The following BLTP2 variants were observed in gnomAD, a reference collection of about 807,000 sequenced individuals.
BLTP2 encodes U937-associated antigen.
chr17:28,638,940 C>A, the BLTP2 span: 1 of 423,226 alleles, frequency 2.4e-6, no homozygotes, highest in East Asian at 4.5e-5. Context: ...AACCAAGAAG[C>A]ATCACTTCTA....
the BLTP2 span, among the ~76,000 whole-genome samples, chr17:28,625,626 A>G: frequency 6.6e-6 from 1 of 152,174 alleles, no homozygotes; most frequent in African/African-American, 2.4e-5. Context: ...GCCAGTCATC[A>G]GGCTCAAAAT....
chr17:28,638,555 A>C, the BLTP2 span: 1 of 1,612,792 alleles, frequency 6.2e-7, no homozygotes, highest in Admixed American at 1.7e-5. Context: ...CCAAGGCAAA[A>C]GGTGGTGTAT....
At chr17:28,616,488 C>T in the BLTP2 span, 17 of 1,614,040 alleles carry the variant, frequency 1.1e-5, no homozygotes, top group Non-Finnish European at 1.4e-5. This position sits in a 1 kb window ranked among gnomAD's most constrained non-coding sequence, Gnocchi z 4.8. Context: ...AATCAGCTGC[C>T]GAGGCTTCAC....
At chr17:28,639,409 G>A in the BLTP2 span, 20 of 1,613,742 alleles carry the variant, frequency 1.2e-5, no homozygotes, top group Non-Finnish European at 1.7e-5. Context: ...TGCCGGTAGT[G>A]AATGATGCAA....
At chr17:28,643,680 GCT>G in the BLTP2 span, 1 of 1,612,424 alleles carries the variant, frequency 6.2e-7, no homozygotes, top group South Asian at 1.1e-5. Flanking sequence ...GAGGGAGAAA[GCT>G]CTGTGTGCTA....
the BLTP2 span, chr17:28,640,478 C>A: frequency 6.9e-7 from 1 of 1,454,708 alleles, no homozygotes; most frequent in Non-Finnish European, 9.6e-7. Flanking sequence ...ACAAGCTCAG[C>A]AAATACTAGG....
At chr17:28,643,333 C>A in the BLTP2 span, 2 of 1,613,346 alleles carry the variant, frequency 1.2e-6, no homozygotes, top group Non-Finnish European at 1.7e-6. Context: ...AGAAATCTCA[C>A]TGCCACCAGG....
the BLTP2 span, chr17:28,614,821 G>A: frequency 2.6e-6 from 1 of 389,048 alleles, no homozygotes; most frequent in Non-Finnish European, 4.6e-6. Context: ...CCTGCCCTGG[G>A]CCCATTCCCT....
chr17:28,620,573 G>C, the BLTP2 span: 1 of 1,614,136 alleles, frequency 6.2e-7, no homozygotes, highest in South Asian at 1.1e-5. Flanking sequence ...GGCATACTGA[G>C]CTGGGTTGGT....
the BLTP2 span, chr17:28,632,972 T>C: frequency 2.6e-6 from 4 of 1,550,606 alleles, no homozygotes; most frequent in East Asian, 4.5e-5. Context: ...TCCATCTTGA[T>C]GGAGAGATTG....
At chr17:28,644,211 C>T in the BLTP2 span, 1 of 1,608,294 alleles carries the variant, frequency 6.2e-7, no homozygotes, top group Non-Finnish European at 8.5e-7. Flanking sequence ...CCTGTTAATT[C>T]ATAGGACCTT....
the BLTP2 span, among the ~76,000 whole-genome samples, chr17:28,630,106 C>T: frequency 6.6e-6 from 1 of 152,186 alleles, no homozygotes; most frequent in African/African-American, 2.4e-5. Flanking sequence ...TCAAGGGATC[C>T]ACCCACCCTG....
chr17:28,632,839 TCTCCC>T, the BLTP2 span: 38 of 855,218 alleles, frequency 4.4e-5, no homozygotes, highest in East Asian at 8.0e-5. Context: ...CCCTTGCCCT[TCTCCC>T]CTCCCCTCCC....
chr17:28,640,560 C>G, the BLTP2 span: 1 of 1,614,116 alleles, frequency 6.2e-7, no homozygotes, highest in Non-Finnish European at 8.5e-7. Context: ...GAGACCTCAC[C>G]TCTTTTGACT....
At chr17:28,635,556 G>A in the BLTP2 span, 6 of 1,614,134 alleles carry the variant, frequency 3.7e-6, no homozygotes, top group Non-Finnish European at 5.1e-6. Context: ...GCTGGTACAG[G>A]TACATGTGAT....
the BLTP2 span, chr17:28,620,154 G>T: frequency 1.3e-6 from 1 of 766,756 alleles, no homozygotes; most frequent in Non-Finnish European, 2.1e-6. Flanking sequence ...AATAGCAACA[G>T]TAGTAGGTCA....
the BLTP2 span, chr17:28,640,826 GC>G: frequency 1.4e-6 from 1 of 711,324 alleles, no homozygotes; most frequent in Non-Finnish European, 2.3e-6. Flanking sequence ...TAAGGCGAAT[GC>G]CCCAGAGATC....
chr17:28,641,886 T>C, the BLTP2 span: 2 of 1,600,860 alleles, frequency 1.2e-6, no homozygotes, highest in Non-Finnish European at 1.7e-6. Flanking sequence ...ACTGGGGCTT[T>C]ACCTGAACAG....
the BLTP2 span, chr17:28,638,759 T>G: frequency 1.5e-6 from 1 of 672,436 alleles, no homozygotes; most frequent in East Asian, 2.5e-5. Flanking sequence ...TTGTGATTCT[T>G]AGGACGAGAC....
Sources: gnomAD v4.1 joint callset for allele counts (sites outside exome capture counted in the v4.1 genomes callset) on GRCh38, gnomAD v4.1.1 for gene constraint, Gnocchi (gnomAD v3.1) non-coding constraint, MANE v1.5 for transcripts, NCBI Gene and HGNC (gene_info 2026-07-23, HGNC 2026-07-21) for gene names.